Variants in ADGB observed in about 807,000 individuals in gnomAD.
ADGB encodes the protein androglobin, also known as calpain-7-like protein.
A neutral mutation model predicts 210.5 loss-of-function variants in ADGB; 172 were observed. The observed-to-expected ratio is 0.82, with a 90% CI of 0.72 to 0.93. ADGB has a LOEUF of 0.93. Ranked by LOEUF, ADGB falls within the 40% of genes least tolerant of loss-of-function variation. The pLI, the probability that ADGB is intolerant of heterozygous loss-of-function variation, is 0.00. For missense variants in ADGB, 2,025 were observed against 1,964.8 expected, an observed-to-expected ratio of 1.03 and a Z score of -0.58; for synonymous variants, 658 against 662.7, an observed-to-expected ratio of 0.99 and a Z score of 0.11.
At position 146,736,578 on chromosome 6, in the gene ADGB, G is replaced by C; in HGVS notation, c.2875G>C (p.Val959Leu). Reference sequence around the variant, plus strand: ...GGAAATGAATTTAGAACAGTATGCAGTTTCTCTCTTAAGGTAAAGCAGTCA... The same window carrying C: ...GGAAATGAATTTAGAACAGTATGCACTTTCTCTCTTAAGGTAAAGCAGTCA... ...VLEMNLEQYAVSLLRLMFKSK... is the reference protein window; with the variant it reads ...VLEMNLEQYALSLLRLMFKSK... Residue 959 changes from valine to leucine, a missense_variant, in exon 23 of 36, where the codon GTT becomes CTT. Coordinates refer to ENST00000397944, the MANE Select transcript of ADGB (RefSeq NM_024694.4). 1 of 1,546,942 alleles carries C rather than the reference G, an allele frequency of 6.5e-7. No individual in the cohort carries two copies. The highest frequency in any genetic ancestry group is 8.7e-7 in the Non-Finnish European group (1 of 1,144,124).
chr6:146,670,087 C>T lies in ADGB; in HGVS notation c.840-2133C>T, dbSNP rs188112204. On this transcript the variant is annotated intron_variant, in intron 7 of 35. Transcript: ENST00000397944. Reference sequence around the variant, plus strand: ...TACTCTGAACCTATTTGTTTCTCTACATCTGCATTATTACCATCCTAGTTC... The same window carrying T: ...TACTCTGAACCTATTTGTTTCTCTATATCTGCATTATTACCATCCTAGTTC... 1.8e-3 allele frequency among the ~76,000 whole-genome samples: 278 copies of T among 152,258 alleles called. 2 individuals are homozygous for T. The highest frequency in any genetic ancestry group is 6.4e-3 in the African/African-American group (265 of 41,572).
At chr6:146,704,645 T>C (rs1776542281) in intron 13 of ADGB, among the ~76,000 whole-genome samples, 1 of 152,050 alleles carries the variant, frequency 6.6e-6, no homozygotes, top group Non-Finnish European at 1.5e-5. Context: ...GTTCCATTGG[T>C]CTATTTTTAT....
At chr6:146,609,359 T>A (rs1333948585) in intron 1 of ADGB, among the ~76,000 whole-genome samples, 1 of 152,172 alleles carries the variant, frequency 6.6e-6, no homozygotes, top group Admixed American at 6.5e-5. Flanking sequence ...AGTGGGGTGT[T>A]TAGCCCATAT....
intron 9 of ADGB, 65 bp downstream of exon 9, chr6:146,676,506 G>A: frequency 8.3e-7 from 1 of 1,203,354 alleles, no homozygotes; most frequent in South Asian, 3.0e-5. Flanking sequence ...GGAAAACCTT[G>A]GAACATAGAA....
At chr6:146,699,332 A>C (rs946764001) in intron 12 of ADGB, among the ~76,000 whole-genome samples, 1 of 152,152 alleles carries the variant, frequency 6.6e-6, no homozygotes, top group African/African-American at 2.4e-5. Context: ...TCTGAAGACA[A>C]AGGTAACGAG....
At chr6:146,762,766 GCCTTTCTT>G (rs1777513158) in intron 27 of ADGB, among the ~76,000 whole-genome samples, 1 of 152,012 alleles carries the variant, frequency 6.6e-6, no homozygotes, top group East Asian at 1.9e-4. Flanking sequence ...TTAAAGCTTG[GCCTTTCTT>G]GGGTCTCAAC....
chr6:146,690,406 C>T (rs988555882), intron 10 of ADGB, among the ~76,000 whole-genome samples: 3 of 152,196 alleles, frequency 2.0e-5, no homozygotes, highest in African/African-American at 7.2e-5. Flanking sequence ...TTAAAGTAAG[C>T]TGTGAACATC....
intron 13 of ADGB, among the ~76,000 whole-genome samples, chr6:146,711,371 TA>T (rs1776654108): frequency 6.6e-6 from 1 of 151,928 alleles, no homozygotes; most frequent in African/African-American, 2.4e-5. Flanking sequence ...TTTTTTTTTT[TA>T]AACCACCCCA....
At chr6:146,647,886 A>G (rs1239085916) in intron 3 of ADGB, among the ~76,000 whole-genome samples, 1 of 152,048 alleles carries the variant, frequency 6.6e-6, no homozygotes, top group African/African-American at 2.4e-5. Flanking sequence ...GAAAATAAAT[A>G]CCTTAAGAAA....
intron 35 of ADGB, among the ~76,000 whole-genome samples, chr6:146,814,006 A>AAT (rs35000964): frequency 0.4 from 51,443 of 130,028 alleles, 9,229 homozygotes; most frequent in East Asian, 0.68. Context: ...CTCTCCTTAA[A>AAT]ATCTCTCTCT....
intron 13 of ADGB, among the ~76,000 whole-genome samples, chr6:146,701,947 CTATAA>C (rs1314369198): frequency 2.6e-5 from 4 of 151,782 alleles, no homozygotes; most frequent in Non-Finnish European, 4.4e-5. Flanking sequence ...TTTGCAACAA[CTATAA>C]TATAATATAA....
chr6:146,721,620 C>A (rs1776816226), intron 17 of ADGB, 115 bp downstream of exon 17: 1 of 520,540 alleles, frequency 1.9e-6, no homozygotes, highest in Non-Finnish European at 3.3e-6. Context: ...GGTGGATCAC[C>A]TGAAGTCAGG....
chr6:146,742,675 T>C (rs1777178035), intron 25 of ADGB, among the ~76,000 whole-genome samples: 1 of 152,232 alleles, frequency 6.6e-6, no homozygotes. Context: ...TCAATTCCTG[T>C]ACATCAGACA....
chr6:146,738,529 G>A (rs913232309), intron 23 of ADGB, among the ~76,000 whole-genome samples: 4 of 140,030 alleles, frequency 2.9e-5, no homozygotes, highest in East Asian at 4.4e-4. Context: ...GGCTCACTGC[G>A]AGCTCCACCT....
rs116385702 is a variant in ADGB at position 146,699,348 on chromosome 6, A to G, written c.1578-1593A>G. 2.9e-3 allele frequency among the ~76,000 whole-genome samples: 444 copies of G among 152,266 alleles called. 2 individuals are homozygous for G. Among genetic ancestry groups the G allele is most frequent in the African/African-American group, 0.01 (427 of 41,568 alleles). ...CTGAAGACAAAGGTAACGAGAATCC[A>G]GGGAGTTGTTGGTGCAAGTCCCAGA... On this transcript the variant is annotated intron_variant, in intron 12 of 35. Coordinates refer to ENST00000397944, the MANE Select transcript of ADGB (RefSeq NM_024694.4).
chr6:146,646,828 C>T (rs1775622451), intron 3 of ADGB, among the ~76,000 whole-genome samples: 1 of 152,072 alleles, frequency 6.6e-6, no homozygotes, highest in African/African-American at 2.4e-5. Flanking sequence ...GTGGCTCATG[C>T]CTGTAATCCC....
At chr6:146,810,222 A>T (rs969799060) in intron 35 of ADGB, among the ~76,000 whole-genome samples, 5 of 152,234 alleles carry the variant, frequency 3.3e-5, no homozygotes, top group Non-Finnish European at 7.3e-5. Flanking sequence ...CAGCATCATT[A>T]ATCATTAGAG....
chr6:146,675,224 C>T (rs1049326918), intron 8 of ADGB, among the ~76,000 whole-genome samples: 2 of 152,050 alleles, frequency 1.3e-5, no homozygotes, highest in African/African-American at 4.8e-5. Flanking sequence ...GAGGCTGATG[C>T]AGGCAGACCA....
intron 12 of ADGB, among the ~76,000 whole-genome samples, chr6:146,697,495 TATA>T (rs1463752213): frequency 6.6e-6 from 1 of 151,624 alleles, no homozygotes; most frequent in East Asian, 1.9e-4. Flanking sequence ...AAGCAAGGAG[TATA>T]ATGACTAAGA....
Sources: allele counts gnomAD v4.1 joint callset (sites outside exome capture counted in the v4.1 genomes callset), GRCh38; gene constraint gnomAD v4.1.1; transcripts MANE v1.5; gene names NCBI Gene and HGNC (gene_info 2026-07-23, HGNC 2026-07-21).